Variants in TSHZ2 observed in about 807,000 individuals in gnomAD.
TSHZ2 encodes the protein teashirt zinc finger homeobox 2.
Under a neutral mutation model 74.4 loss-of-function variants are expected in TSHZ2, and 21 were observed. That is an observed-to-expected ratio of 0.28 (90% CI 0.20 to 0.41). The LOEUF (loss-of-function observed/expected upper bound fraction) is 0.41, where lower values mean the gene tolerates loss of function less well. Among genes scored for constraint, TSHZ2 ranks in the 10% least tolerant of loss-of-function variants. The pLI is 1.00. For missense variants in TSHZ2, 1,244 were observed against 1,293.5 expected (o/e 0.96, Z 0.59); for synonymous variants, 540 against 515.3 (o/e 1.05, Z -0.65).
At chr20:53,396,337 C>T (rs1212672456) in intron 2 of TSHZ2, among the ~76,000 whole-genome samples, 1 of 152,140 alleles carries the variant, frequency 6.6e-6, no homozygotes, top group Non-Finnish European at 1.5e-5. Context: ...TGACATATAC[C>T]ATGTAGTTTA....
intron 1 of TSHZ2, among the ~76,000 whole-genome samples, chr20:53,024,950 T>C (rs1025621758): frequency 1.3e-5 from 2 of 152,322 alleles, no homozygotes; most frequent in Middle Eastern, 3.4e-3. Flanking sequence ...ACTGCCACAA[T>C]AGACATACGT....
rs1468207369 is a variant in TSHZ2, at chr20:53,223,853, G to A, written c.41-29646G>A. ...CATCTGTGGCATTTTGGCTGTGGTG[G>A]AGAGCTCATGAATCTACACATGTGA... On this transcript the variant is annotated intron_variant, in intron 1 of 2. Transcript: ENST00000371497. 2.0e-5 allele frequency among the ~76,000 whole-genome samples: 3 copies of A among 151,804 alleles called. 1 individual carries two copies. Among genetic ancestry groups the A allele is most frequent in the Admixed American group, 1.3e-4 (2 of 15,210 alleles).
chr20:53,392,961 G>C (rs1402488432), intron 2 of TSHZ2, among the ~76,000 whole-genome samples: 1 of 152,066 alleles, frequency 6.6e-6, no homozygotes. Context: ...AACCTCCCGA[G>C]TAGCTGGGAT....
intron 1 of TSHZ2, among the ~76,000 whole-genome samples, chr20:53,219,614 A>G (rs1461850135): frequency 6.6e-6 from 1 of 152,130 alleles, no homozygotes; most frequent in African/African-American, 2.4e-5. Context: ...TTGGGTCACA[A>G]ACTCCCTCAA....
intron 2 of TSHZ2, among the ~76,000 whole-genome samples, chr20:53,386,101 G>A (rs948335477): frequency 3.3e-5 from 5 of 152,194 alleles, no homozygotes; most frequent in Non-Finnish European, 7.3e-5. Context: ...TATTTAGACA[G>A]AACTCACCCC....
chr20:53,119,973 ATGTTT>A (rs1216770868), intron 1 of TSHZ2, among the ~76,000 whole-genome samples: 1 of 152,132 alleles, frequency 6.6e-6, no homozygotes, highest in Non-Finnish European at 1.5e-5. Flanking sequence ...TGAGGTGCCT[ATGTTT>A]TGTTTTGTTT....
chr20:53,374,782 T>C (rs1981600998), intron 2 of TSHZ2, among the ~76,000 whole-genome samples: 1 of 152,198 alleles, frequency 6.6e-6, no homozygotes. Flanking sequence ...CTTGGCCACA[T>C]GTATGTCTTT....
intron 2 of TSHZ2, among the ~76,000 whole-genome samples, chr20:53,478,664 A>C (rs1986058183): frequency 7.1e-6 from 1 of 141,226 alleles, no homozygotes; most frequent in South Asian, 2.3e-4. Context: ...AATAAAAAAT[A>C]AATAAAAAAT....
intron 1 of TSHZ2, among the ~76,000 whole-genome samples, chr20:53,071,932 G>A (rs963312961): frequency 3.9e-5 from 6 of 152,096 alleles, no homozygotes; most frequent in African/African-American, 9.7e-5. Flanking sequence ...AACCCAGGCC[G>A]GCATTTTGCA....
At chr20:53,367,603 C>T (rs1294933611) in intron 2 of TSHZ2, among the ~76,000 whole-genome samples, 3 of 151,802 alleles carry the variant, frequency 2.0e-5, no homozygotes, top group Non-Finnish European at 4.4e-5. Context: ...TTGAGTCTCA[C>T]TCTGTCACCC....
chr20:53,433,072 TCTCA>T lies in TSHZ2; in HGVS notation c.*9-54071_*9-54068del, dbSNP rs1315172948. 7.2e-5 allele frequency among the ~76,000 whole-genome samples: 11 copies of T among 152,302 alleles called. No homozygotes were observed. The East Asian group carries it at 2.1e-3, about 29-fold the overall frequency. On this transcript the variant is annotated intron_variant, in intron 2 of 2. Transcript: ENST00000371497. ...CAGTACTAGCTACCTTTGCCCCTCT[TCTCA>T]GAGGAGCAAATCTTTCTTGGAAACC...
In TSHZ2 at chr20:53,495,261, T is replaced by C. The variant is rs938851909; in HGVS notation, c.*8126T>C. 4 of 152,240 alleles carry C rather than the reference T, an allele frequency of 2.6e-5. No individual in the cohort carries two copies. Among genetic ancestry groups the C allele is most frequent in the Non-Finnish European group, 5.9e-5 (4 of 68,050 alleles). The allele number at this position is 152,240 out of a possible 1,614,324, so 9.4% of individuals were successfully genotyped here. ...ATAGAAGTGCTCTTTTTATGCTTTCTGGAGATGTTACTGTTAAATGTCTTT... is the reference window on the plus strand; with the variant it reads ...ATAGAAGTGCTCTTTTTATGCTTTCCGGAGATGTTACTGTTAAATGTCTTT... On this transcript the variant is annotated 3_prime_UTR_variant, in exon 3 of 3. Transcript: ENST00000371497.
At chr20:53,042,574 G>C (rs149875797) in intron 1 of TSHZ2, among the ~76,000 whole-genome samples, 1 of 152,074 alleles carries the variant, frequency 6.6e-6, no homozygotes, top group Admixed American at 6.6e-5. Flanking sequence ...AGATCATAGG[G>C]AATGATGGAA....
chr20:53,190,375 G>A (rs1205794195), intron 1 of TSHZ2, among the ~76,000 whole-genome samples: 1 of 151,336 alleles, frequency 6.6e-6, no homozygotes, highest in South Asian at 2.1e-4. Flanking sequence ...ACACCAAGGG[G>A]GTTCAAAGAC....
chr20:53,008,983 CTCTCTCTCTCT>C (rs1568717405), intron 1 of TSHZ2, among the ~76,000 whole-genome samples: 4 of 7,222 alleles, frequency 5.5e-4, no homozygotes, highest in Non-Finnish European at 3.8e-3. Context: ...TCTTTCTCCT[CTCTCTCTCTCT>C]CTCTCTCTCT....
At chr20:53,150,269 A>G (rs1987644778) in intron 1 of TSHZ2, among the ~76,000 whole-genome samples, 1 of 152,146 alleles carries the variant, frequency 6.6e-6, no homozygotes, top group African/African-American at 2.4e-5. Flanking sequence ...TGAATGATGA[A>G]CACAGTGGGG....
chr20:53,124,924 C>A (rs1056770953), intron 1 of TSHZ2, among the ~76,000 whole-genome samples: 3 of 152,204 alleles, frequency 2.0e-5, no homozygotes, highest in African/African-American at 7.2e-5. Context: ...GACCATGCAA[C>A]AACCACTCAA....
At chr20:53,210,699 A>G (rs1989282800) in intron 1 of TSHZ2, among the ~76,000 whole-genome samples, 1 of 151,992 alleles carries the variant, frequency 6.6e-6, no homozygotes, top group Non-Finnish European at 1.5e-5. Flanking sequence ...TCCCACTTAA[A>G]GCTTCAGGTC....
At chr20:53,173,334 C>A (rs188471847) in intron 1 of TSHZ2, among the ~76,000 whole-genome samples, 43 of 152,240 alleles carry the variant, frequency 2.8e-4, no homozygotes, top group Non-Finnish European at 4.3e-4. Context: ...GGAGGCTGGG[C>A]GCTGTGGCTT....
Sources: gnomAD v4.1 joint callset for allele counts (sites outside exome capture counted in the v4.1 genomes callset) on GRCh38, gnomAD v4.1.1 for gene constraint, MANE v1.5 for transcripts, NCBI Gene and HGNC (gene_info 2026-07-23, HGNC 2026-07-21) for gene names.